FSTL4: variants seen among roughly 807,000 people sequenced by gnomAD.
FSTL4 encodes follistatin like 4, also known as follistatin-related protein 4.
FSTL4 carries 28 observed loss-of-function variants against 78.2 expected under a neutral mutation model. The observed-to-expected ratio is 0.36, with a 90% CI of 0.27 to 0.49. The LOEUF is 0.49. Among genes scored for constraint, FSTL4 ranks in the 20% least tolerant of loss-of-function variants. FSTL4 has a pLI of 0.98. For missense variants in FSTL4, 922 were observed against 1,084.9 expected, an observed-to-expected ratio of 0.85 and a Z score of 2.11; for synonymous variants, 422 against 440.5, an observed-to-expected ratio of 0.96 and a Z score of 0.53.
intron 3 of FSTL4, among the ~76,000 whole-genome samples, chr5:133,541,483 C>T (rs1395265147): frequency 2.0e-5 from 3 of 152,312 alleles, no homozygotes; most frequent in Non-Finnish European, 4.4e-5. Context: ...TACAGCATCA[C>T]TTCCACAAAA....
chr5:133,812,301 T>C, the FSTL4 span, among the ~76,000 whole-genome samples: 1 of 152,126 alleles, frequency 6.6e-6, no homozygotes, highest in Non-Finnish European at 1.5e-5. Flanking sequence ...GCCAGAGTGG[T>C]CACATCACTC....
chr5:133,335,726 A>G (rs913323106), intron 4 of FSTL4, among the ~76,000 whole-genome samples: 2 of 151,678 alleles, frequency 1.3e-5, no homozygotes, highest in African/African-American at 4.8e-5. Flanking sequence ...TTGACTTTCA[A>G]CATTAACTGC....
At chr5:133,229,021 T>C (rs950894143) in intron 8 of FSTL4, among the ~76,000 whole-genome samples, 1 of 152,162 alleles carries the variant, frequency 6.6e-6, no homozygotes, top group African/African-American at 2.4e-5. Flanking sequence ...TACTAAAATA[T>C]ACAAAATTAA....
chr5:133,416,865 G>C (rs991043322), intron 3 of FSTL4, among the ~76,000 whole-genome samples: 4 of 152,204 alleles, frequency 2.6e-5, no homozygotes, highest in African/African-American at 9.6e-5. Flanking sequence ...TGCAATGAGT[G>C]CTCTGGTTTG....
intron 3 of FSTL4, among the ~76,000 whole-genome samples, chr5:133,523,469 T>A (rs1266732084): frequency 6.6e-6 from 1 of 151,002 alleles, no homozygotes; most frequent in East Asian, 1.9e-4. Flanking sequence ...AGATAGTGGA[T>A]GACATAGCAA....
At chr5:133,325,956 A>G (rs1754202024) in intron 4 of FSTL4, among the ~76,000 whole-genome samples, 1 of 152,182 alleles carries the variant, frequency 6.6e-6, no homozygotes, top group Non-Finnish European at 1.5e-5. Flanking sequence ...CCAAAGCAAA[A>G]ACCTGGCTTA....
chr5:133,733,111 C>A, the FSTL4 span, among the ~76,000 whole-genome samples: 1 of 152,180 alleles, frequency 6.6e-6, no homozygotes, highest in Non-Finnish European at 1.5e-5. Flanking sequence ...GGTAGTTTTC[C>A]CCCAAGAAAT....
At chr5:133,565,535 A>C (rs369071545) in intron 3 of FSTL4, among the ~76,000 whole-genome samples, 1 of 152,214 alleles carries the variant, frequency 6.6e-6, no homozygotes, top group East Asian at 1.9e-4. Context: ...TGTTAGAACA[A>C]ATTTGCTAGT....
the FSTL4 span, among the ~76,000 whole-genome samples, chr5:133,738,135 C>T: frequency 2.0e-5 from 3 of 152,160 alleles, no homozygotes. Flanking sequence ...CCCACCAAGC[C>T]AGATGTAAAG....
At position 133,400,804 on chromosome 5, in the gene FSTL4, G is replaced by A. The variant is rs778985526; in HGVS notation, c.343C>T (p.His115Tyr). 31 of 1,613,904 alleles carry A rather than the reference G, an allele frequency of 1.9e-5. No homozygotes were observed. The highest frequency in any genetic ancestry group is 2.5e-6 in the Non-Finnish European group (3 of 1,179,934). The change falls in exon 4 of 16, where the codon CAC (histidine) becomes TAC (tyrosine). Residue 115 changes from histidine (H) to tyrosine (Y), a missense_variant. His to Tyr is a moderately conservative substitution (Grantham distance 83, BLOSUM62 2). Coordinates refer to ENST00000265342, the MANE Select transcript of FSTL4 (RefSeq NM_015082.2). The part of the protein sequence containing the change: ...GRFYENHCKL[H>Y]RAACLLGKRI... ...TTTCCCAGGAGGCAAGCAGCACGGT[G>A]GAGCTTACAGTGGTTTTCATAAAAC...
intron 3 of FSTL4, among the ~76,000 whole-genome samples, chr5:133,529,440 C>T (rs1392919578): frequency 1.3e-5 from 2 of 152,130 alleles, no homozygotes; most frequent in Admixed American, 6.5e-5. Flanking sequence ...AGGAACCTAC[C>T]AAGCTAGCAC....
intron 3 of FSTL4, among the ~76,000 whole-genome samples, chr5:133,487,650 G>C (rs1758164255): frequency 1.3e-5 from 2 of 152,124 alleles, no homozygotes; most frequent in Non-Finnish European, 2.9e-5. Flanking sequence ...CAGTAAAGGA[G>C]GGTTGGCCAT....
chr5:133,735,474 A>C, the FSTL4 span, among the ~76,000 whole-genome samples: 3 of 152,130 alleles, frequency 2.0e-5, no homozygotes, highest in African/African-American at 7.2e-5. Context: ...AAAAACAAAC[A>C]AAAAACAGGC....
At chr5:133,573,486 T>C (rs914216149) in intron 2 of FSTL4, among the ~76,000 whole-genome samples, 1 of 152,110 alleles carries the variant, frequency 6.6e-6, no homozygotes, top group African/African-American at 2.4e-5. Flanking sequence ...AAAGGGATGG[T>C]TCATAATTAG....
At chr5:133,239,007 C>A (rs1361614012) in intron 7 of FSTL4, among the ~76,000 whole-genome samples, 1 of 152,178 alleles carries the variant, frequency 6.6e-6, no homozygotes, top group Non-Finnish European at 1.5e-5. Flanking sequence ...CGGGCGGGAA[C>A]CGGGGCTGTG....
chr5:133,287,387 CAA>C (rs56209403), intron 6 of FSTL4, among the ~76,000 whole-genome samples: 2,039 of 103,014 alleles, frequency 0.02, 52 homozygotes, highest in African/African-American at 0.06. Context: ...GACTCCATCT[CAA>C]AAAAAAAAAA....
At chr5:133,328,752 G>A (rs1376511115) in intron 4 of FSTL4, among the ~76,000 whole-genome samples, 1 of 152,316 alleles carries the variant, frequency 6.6e-6, no homozygotes, top group East Asian at 1.9e-4. Flanking sequence ...TGGACTAGAG[G>A]TCAGTCACCA....
the FSTL4 span, among the ~76,000 whole-genome samples, chr5:133,725,442 C>T: frequency 3.9e-5 from 6 of 152,216 alleles, no homozygotes; most frequent in African/African-American, 1.2e-4. Context: ...GTGTTCTCCA[C>T]GAGCCACCCA....
At chr5:133,839,845 G>A in the FSTL4 span, among the ~76,000 whole-genome samples, 1 of 152,194 alleles carries the variant, frequency 6.6e-6, no homozygotes, top group Non-Finnish European at 1.5e-5. Context: ...ACAACAAGAA[G>A]TTTTTAAAAG....
Sources: allele counts gnomAD v4.1 joint callset (sites outside exome capture counted in the v4.1 genomes callset), GRCh38; gene constraint gnomAD v4.1.1; transcripts MANE v1.5; gene names NCBI Gene and HGNC (gene_info 2026-07-23, HGNC 2026-07-21).